Variants in DCTD observed in about 807,000 individuals in gnomAD.
The protein encoded by DCTD is deoxycytidylate deaminase.
Under a neutral mutation model 21.0 loss-of-function variants are expected in DCTD, and 23 were observed. That is an observed-to-expected ratio of 1.09 (90% CI 0.79 to 1.55). DCTD has a LOEUF of 1.55. DCTD is among the 40% of genes most tolerant of loss of function. The pLI, the probability that DCTD is intolerant of heterozygous loss-of-function variation, is 0.00. For missense variants in DCTD, 224 were observed against 230.0 expected, an observed-to-expected ratio of 0.97 and a Z score of 0.17; for synonymous variants, 71 against 81.1, an observed-to-expected ratio of 0.88 and a Z score of 0.67.
rs1737563152 is a variant in DCTD, at chr4:182,910,945, T to TA, written c.244+3977dup. Among the ~76,000 whole-genome samples the TA allele has an allele frequency of 2.6e-5, 4 of 152,188 alleles. No homozygotes were observed. In the South Asian group the frequency reaches 8.3e-4, roughly 32 times the overall value. On this transcript the variant is annotated intron_variant, in intron 3 of 5. Coordinates refer to ENST00000438320, the MANE Select transcript of DCTD (RefSeq NM_001921.3). ...CAATCAGGACTAATGACTTCCGACTTACGGAATTAATAAAGCAGTATTAAG... is the reference window on the plus strand; with the variant it reads ...CAATCAGGACTAATGACTTCCGACTTAACGGAATTAATAAAGCAGTATTAAG...
intron 5 of DCTD, among the ~76,000 whole-genome samples, chr4:182,892,040 C>A (rs1247556421): frequency 7.0e-6 from 1 of 142,276 alleles, no homozygotes; most frequent in Non-Finnish European, 1.5e-5. Context: ...CATTTGGGAA[C>A]AAAACAAATT....
chr4:182,907,900 AC>A (rs1320131234), intron 3 of DCTD, among the ~76,000 whole-genome samples: 1 of 152,198 alleles, frequency 6.6e-6, no homozygotes, highest in African/African-American at 2.4e-5. Context: ...GCATGAACAT[AC>A]CAAACCTGGA....
intron 3 of DCTD, among the ~76,000 whole-genome samples, chr4:182,898,472 G>C (rs1188459954): frequency 6.6e-6 from 1 of 152,228 alleles, no homozygotes; most frequent in Non-Finnish European, 1.5e-5. Flanking sequence ...AAAATACCAA[G>C]TACATCCGAT....
chr4:182,891,217 A>G lies in DCTD; in HGVS notation c.*182T>C. 1.7e-6 allele frequency: 1 copy of G among 586,882 alleles called. No individual in the cohort carries two copies. Among genetic ancestry groups the G allele is most frequent in the South Asian group, 2.3e-5 (1 of 42,984 alleles). The allele number at this position is 586,882 out of a possible 1,614,324, so 36.4% of individuals were successfully genotyped here. A position where few individuals can be genotyped will look rare whatever the true frequency, so the allele number is the denominator to read the frequency against. On this transcript the variant is annotated 3_prime_UTR_variant, in exon 6 of 6. Transcript: ENST00000438320. ...TTTAAACCCTAAAGCAATAGTTCAA[A>G]CACATGTAGATTCCATGTGACAAGA... is the stretch of plus-strand genomic sequence containing the variant.
chr4:182,896,439 T>A (rs1165511661), intron 3 of DCTD, among the ~76,000 whole-genome samples: 1 of 152,240 alleles, frequency 6.6e-6, no homozygotes, highest in Non-Finnish European at 1.5e-5. Context: ...CAATCTCTCC[T>A]GGCATTGCAG....
intron 1 of DCTD, 170 bp from the exon 2 acceptor site, chr4:182,915,745 A>G (rs1579795205): frequency 1.3e-6 from 1 of 747,798 alleles, no homozygotes; most frequent in East Asian, 2.9e-5. Flanking sequence ...TCTGGTCTTA[A>G]GTAAAAACTT....
chr4:182,896,872 G>A (rs189463975), intron 3 of DCTD, among the ~76,000 whole-genome samples: 25 of 152,300 alleles, frequency 1.6e-4, no homozygotes, highest in Non-Finnish European at 3.5e-4. Flanking sequence ...GAATAAAGGA[G>A]GAAATGCAGA....
intron 5 of DCTD, among the ~76,000 whole-genome samples, chr4:182,892,294 C>A (rs1733908889): frequency 6.6e-6 from 1 of 152,136 alleles, no homozygotes; most frequent in African/African-American, 2.4e-5. Context: ...AACTTACTTG[C>A]AAGTAAAATA....
At chr4:182,916,304 G>C (rs1738717584) in intron 1 of DCTD, 1 of 861,026 alleles carries the variant, frequency 1.2e-6, no homozygotes, top group Non-Finnish European at 1.4e-6. Context: ...AGCAGAGACT[G>C]TCTACGGCAG....
Position 182,894,561 on chromosome 4 carries a change from C to A in DCTD, c.289G>T (p.Asp97Tyr), listed in dbSNP as rs776168243. The A allele has an allele frequency of 1.3e-5, 21 of 1,614,002 alleles. 1 individual carries two copies. In the South Asian group the frequency reaches 2.1e-4, roughly 16 times the overall value. ...LNAIMNKNST[D>Y]VKGCSMYVAL... Reference sequence around the variant, plus strand: ...ACATACATACTACAGCCTTTCACATCGGTCGAATTTTTGTTCATGATGGCA... The same window carrying A: ...ACATACATACTACAGCCTTTCACATAGGTCGAATTTTTGTTCATGATGGCA... The change falls in exon 4 of 6, where the codon GAT (aspartate) becomes TAT (tyrosine). Residue 97 changes from aspartate (D) to tyrosine (Y), a missense_variant. By Grantham distance (160) the Asp-to-Tyr change is radical. Transcript: ENST00000438320.
intron 2 of DCTD, 125 bp from the exon 3 acceptor site, chr4:182,915,183 G>A: frequency 7.9e-7 from 1 of 1,260,790 alleles, no homozygotes; most frequent in South Asian, 1.4e-5. Flanking sequence ...CAGGTGCTGA[G>A]AGCTGTCGGT....
rs1484470908 is a variant in DCTD, at chr4:182,910,729, T to C, written c.244+4194A>G. ...AAAAGGATGGAATAAAAAGCTTCTT[T>C]AGCAGAGGGAATTTTCATTTTCCAC... On this transcript the variant is annotated intron_variant, in intron 3 of 5. Transcript: ENST00000438320. Among the ~76,000 whole-genome samples, 7 of 152,226 alleles carry C rather than the reference T, an allele frequency of 4.6e-5. 1 individual carries two copies. The highest frequency in any genetic ancestry group is 1.0e-4 in the Non-Finnish European group (7 of 68,040).
chr4:182,908,598 G>T (rs71620960), intron 3 of DCTD, among the ~76,000 whole-genome samples: 7,251 of 148,896 alleles, frequency 0.049, 254 homozygotes, highest in South Asian at 0.1. Flanking sequence ...CAGGAGAATC[G>T]CTTGAAACCT....
chr4:182,891,849 C>CA (rs991596172), intron 5 of DCTD, among the ~76,000 whole-genome samples: 2 of 150,202 alleles, frequency 1.3e-5, no homozygotes, highest in African/African-American at 2.4e-5. Context: ...CTCTCTAATG[C>CA]AAAAAAATAG....
chr4:182,899,561 C>T (rs1735358494), intron 3 of DCTD, among the ~76,000 whole-genome samples: 1 of 152,116 alleles, frequency 6.6e-6, no homozygotes, highest in South Asian at 2.1e-4. Context: ...TCACCATGCC[C>T]AGCTAATTCT....
chr4:182,914,963 T>C lies in DCTD; in HGVS notation c.204A>G (p.Arg68=), dbSNP rs1286291785. 3 of 1,614,084 alleles carry C rather than the reference T, an allele frequency of 1.9e-6. No homozygotes were observed. The highest frequency in any genetic ancestry group is 2.5e-6 in the Non-Finnish European group (3 of 1,179,972). Residue 68 remains arginine, a synonymous_variant, in exon 3 of 6, where the codon AGA becomes AGG. Coordinates refer to ENST00000438320, the MANE Select transcript of DCTD (RefSeq NM_001921.3). ...NGCSDDVLPW[R]RTAENKLDTK... The stretch of plus-strand genomic sequence containing the variant: ...TGTCCAGCTTATTCTCTGCTGTCCT[T>C]CTCCAAGGCAACACGTCATCACTGC...
chr4:182,900,006 CTGG>C (rs71605101), intron 3 of DCTD, among the ~76,000 whole-genome samples: 34,882 of 152,028 alleles, frequency 0.23, 4,435 homozygotes, highest in Non-Finnish European at 0.3. Context: ...AAGTGTCATG[CTGG>C]TGTGCAAAAG....
At chr4:182,916,546 C>A in intron 1 of DCTD, 1 of 987,568 alleles carries the variant, frequency 1.0e-6, no homozygotes, top group South Asian at 4.6e-5. Context: ...GTGCCTAAGA[C>A]AAGGATGCAG....
intron 5 of DCTD, among the ~76,000 whole-genome samples, chr4:182,892,016 A>T (rs906664876): frequency 2.5e-4 from 38 of 149,714 alleles, no homozygotes; most frequent in Non-Finnish European, 1.0e-4. Flanking sequence ...CTTCTACAAC[A>T]ATTAAAAAGA....
Sources: allele counts gnomAD v4.1 joint callset (sites outside exome capture counted in the v4.1 genomes callset), GRCh38; gene constraint gnomAD v4.1.1; transcripts MANE v1.5; gene names NCBI Gene and HGNC (gene_info 2026-07-23, HGNC 2026-07-21).